The following CDKL2 variants were observed in gnomAD, a reference collection of about 807,000 sequenced individuals.
The protein encoded by CDKL2 is cyclin-dependent kinase-like 2.
A neutral mutation model predicts 63.9 loss-of-function variants in CDKL2; 64 were observed. The observed-to-expected ratio is 1.00, with a 90% confidence interval of 0.82 to 1.23. CDKL2 has a LOEUF of 1.23. CDKL2 is among the 50% of genes most tolerant of loss of function. CDKL2 has a pLI of 0.00. For missense variants in CDKL2, 656 were observed against 668.0 expected (o/e 0.98, Z 0.20); for synonymous variants, 211 against 229.2 (o/e 0.92, Z 0.72).
At position 75,602,312 on chromosome 4, in the gene CDKL2, G is replaced by A. The variant is rs182615393; in HGVS notation, c.795+1505C>T. The stretch of plus-strand genomic sequence containing the variant: ...TCTCTGCCTCACCTTCCCGAGTAGC[G>A]GGGGTTACAGGCACGTGCCACCACG... On this transcript the variant is annotated intron_variant, in intron 6 of 13. Coordinates refer to ENST00000307465, the MANE Select transcript of CDKL2 (RefSeq NM_001330724.2). Among the ~76,000 whole-genome samples the A allele has an allele frequency of 5.5e-4, 84 of 152,042 alleles. No individual in the cohort carries two copies. The East Asian group carries it at 0.013, about 23-fold the overall frequency.
chr4:75,596,314 G>A lies in CDKL2; in HGVS notation c.1349C>T (p.Ser450Phe), dbSNP rs1277771743. ...TCTGTTCGGTTTAACAAATGGAATA[G>A]AACACTTCTTAGTTTTCTCATCCAC... ...YRVDEKTKKC[S>F]IPFVKPNRHS... The change falls in exon 10 of 14, where the codon TCT (serine) becomes TTT (phenylalanine). Residue 450 changes from serine (S) to phenylalanine (F), a missense_variant. Coordinates refer to ENST00000307465, the MANE Select transcript of CDKL2 (RefSeq NM_001330724.2). The A allele has an allele frequency of 3.7e-6, 6 of 1,610,912 alleles. No homozygotes were observed. The highest frequency in any genetic ancestry group is 1.7e-5 in the Admixed American group (1 of 59,990).
Position 75,578,840 on chromosome 4 carries a change from C to T in CDKL2, c.*362G>A, listed in dbSNP as rs1000273088. On this transcript the variant is annotated 3_prime_UTR_variant, in exon 14 of 14. Transcript: ENST00000307465. Reference sequence around the variant, plus strand: ...CTTTTATAGTATTTCTCTCTGTCCCCCTTTTTTACACACTTTTAATCATGG... The same window carrying T: ...CTTTTATAGTATTTCTCTCTGTCCCTCTTTTTTACACACTTTTAATCATGG... The T allele has an allele frequency of 6.6e-6, 1 of 152,576 alleles. No homozygotes were observed. Among genetic ancestry groups the T allele is most frequent in the South Asian group, 2.1e-4 (1 of 4,826 alleles). 9.5% of individuals were successfully genotyped at this position (152,576 alleles called of 1,614,324 possible).
chr4:75,612,582 TATC>T (rs759541175), intron 3 of CDKL2, among the ~76,000 whole-genome samples: 8 of 152,324 alleles, frequency 5.3e-5, no homozygotes, highest in African/African-American at 1.7e-4. Context: ...ATTGGGAAGA[TATC>T]ATCATTTTTA....
chr4:75,592,413 A>C, intron 10 of CDKL2, 144 bp from the exon 11 acceptor site: 1 of 553,164 alleles, frequency 1.8e-6, no homozygotes, highest in African/African-American at 1.9e-5. Context: ...TTAATAATAC[A>C]AAAAAAATTC....
chr4:75,627,741 T>TC (rs1730496538), intron 1 of CDKL2, among the ~76,000 whole-genome samples: 2 of 141,516 alleles, frequency 1.4e-5, no homozygotes, highest in Admixed American at 1.4e-4. Context: ...CTTTTTTTTT[T>TC]TTTTTTTTTT....
intron 5 of CDKL2, among the ~76,000 whole-genome samples, chr4:75,604,209 T>A (rs922853827): frequency 6.6e-6 from 1 of 152,242 alleles, no homozygotes; most frequent in Non-Finnish European, 1.5e-5. Flanking sequence ...CGTTTCTAAC[T>A]AGAAAGCATA....
chr4:75,589,117 T>C (rs995104622), intron 12 of CDKL2, among the ~76,000 whole-genome samples: 3 of 152,092 alleles, frequency 2.0e-5, no homozygotes, highest in Non-Finnish European at 2.9e-5. Flanking sequence ...ATTCTCAACA[T>C]CTTTGTCGTT....
intron 2 of CDKL2, among the ~76,000 whole-genome samples, chr4:75,623,552 TA>T (rs1232242842): frequency 6.6e-6 from 1 of 152,158 alleles, no homozygotes; most frequent in East Asian, 1.9e-4. Context: ...AACAAATCCC[TA>T]GTGTAACCAC....
At chr4:75,611,730 C>T (rs1729705500) in intron 3 of CDKL2, among the ~76,000 whole-genome samples, 1 of 149,356 alleles carries the variant, frequency 6.7e-6, no homozygotes, top group Admixed American at 6.7e-5. Context: ...TCTCAGCTTA[C>T]CGCAACCTCT....
intron 7 of CDKL2, 118 bp downstream of exon 7, chr4:75,600,163 T>TA: frequency 3.1e-6 from 2 of 640,204 alleles, no homozygotes; most frequent in South Asian, 4.3e-5. Flanking sequence ...GAGTGGTAGA[T>TA]ATCTGAGATC....
At chr4:75,587,192 G>A (rs914487234) in intron 12 of CDKL2, among the ~76,000 whole-genome samples, 48 of 151,116 alleles carry the variant, frequency 3.2e-4, no homozygotes, top group African/African-American at 6.1e-4. Flanking sequence ...AGTGGCTCAC[G>A]CCTGTAATCC....
At chr4:75,586,267 C>A (rs1205398526) in intron 12 of CDKL2, among the ~76,000 whole-genome samples, 1 of 151,164 alleles carries the variant, frequency 6.6e-6, no homozygotes, top group Non-Finnish European at 1.5e-5. Context: ...GATCTGTCAC[C>A]CAGGCTGGAG....
chr4:75,596,377 C>A (rs200374887), intron 9 of CDKL2, 37 bp from the exon 10 acceptor site: 3 of 1,278,786 alleles, frequency 2.3e-6, no homozygotes, highest in Non-Finnish European at 3.4e-6. Flanking sequence ...AAGTTAGAAC[C>A]AGCAATAATT....
intron 6 of CDKL2, among the ~76,000 whole-genome samples, chr4:75,602,067 T>C (rs867234223): frequency 3.3e-5 from 5 of 152,370 alleles, no homozygotes; most frequent in South Asian, 2.1e-4. Context: ...CAAAAAAGTA[T>C]TGGCCATTTG....
chr4:75,585,832 A>G (rs1427692945), intron 12 of CDKL2, among the ~76,000 whole-genome samples: 1 of 152,212 alleles, frequency 6.6e-6, no homozygotes, highest in Non-Finnish European at 1.5e-5. Flanking sequence ...ACATAATAAA[A>G]GATTTTAACA....
intron 4 of CDKL2, among the ~76,000 whole-genome samples, chr4:75,606,650 A>G (rs529789795): frequency 6.6e-6 from 1 of 152,360 alleles, no homozygotes; most frequent in South Asian, 2.1e-4. Context: ...CAAAAATTAT[A>G]ACATGGTAGC....
chr4:75,585,591 TC>T (rs918647584), intron 12 of CDKL2, among the ~76,000 whole-genome samples: 12 of 151,726 alleles, frequency 7.9e-5, no homozygotes, highest in Admixed American at 7.9e-4. Context: ...AGACCCCATT[TC>T]TAAAAAAATA....
chr4:75,603,353 C>G (rs920363883), intron 6 of CDKL2, among the ~76,000 whole-genome samples: 1 of 151,880 alleles, frequency 6.6e-6, no homozygotes, highest in Non-Finnish European at 1.5e-5. Flanking sequence ...AGTCCTTTTT[C>G]TCTGAAGTTA....
At chr4:75,601,224 G>A (rs924222439) in intron 6 of CDKL2, among the ~76,000 whole-genome samples, 1 of 152,112 alleles carries the variant, frequency 6.6e-6, no homozygotes, top group Non-Finnish European at 1.5e-5. Context: ...TTTTATGATA[G>A]TAAGAAATTA....
Sources: gnomAD v4.1 joint callset for allele counts (sites outside exome capture counted in the v4.1 genomes callset) on GRCh38, gnomAD v4.1.1 for gene constraint, MANE v1.5 for transcripts, NCBI Gene and HGNC (gene_info 2026-07-23, HGNC 2026-07-21) for gene names.